The following KCNAB1 variants were observed in gnomAD, a reference collection of about 807,000 sequenced individuals.
KCNAB1 encodes voltage-gated potassium channel subunit beta-1.
Under a neutral mutation model 64.6 loss-of-function variants are expected in KCNAB1, and 35 were observed. The ratio of observed to expected loss-of-function variants is 0.54; its 90% CI spans 0.41 to 0.72. The LOEUF is 0.72. Ranked by LOEUF, KCNAB1 falls within the 30% of genes least tolerant of loss-of-function variation. The pLI is 0.00. For missense variants in KCNAB1, 401 were observed against 512.9 expected, an observed-to-expected ratio of 0.78 and a Z score of 2.11; for synonymous variants, 177 against 183.8, an observed-to-expected ratio of 0.96 and a Z score of 0.30.
intron 1 of KCNAB1, among the ~76,000 whole-genome samples, chr3:156,393,371 C>G (rs1713184972): frequency 6.6e-6 from 1 of 152,204 alleles, no homozygotes; most frequent in Non-Finnish European, 1.5e-5. Flanking sequence ...TGCACCTTCT[C>G]TAGCCACACC....
At chr3:156,367,780 A>G (rs1446527837) in intron 1 of KCNAB1, among the ~76,000 whole-genome samples, 3 of 152,082 alleles carry the variant, frequency 2.0e-5, no homozygotes, top group African/African-American at 7.2e-5. Flanking sequence ...ATGCAAAGGA[A>G]CTCTGTCACA....
rs547464424 is a variant in KCNAB1 at position 156,175,565 on chromosome 3, G to C, written c.275+54679G>C. 1.7e-3 allele frequency among the ~76,000 whole-genome samples: 254 copies of C among 152,336 alleles called. 1 individual carries two copies. Among genetic ancestry groups the C allele is most frequent in the African/African-American group, 6.0e-3 (248 of 41,568 alleles). Reference sequence around the variant, plus strand: ...ACCCGGGAGGCGGAGCTTGCAGTGAGCCGAGATGCGCCACTGCACTCCAGC... The same window carrying C: ...ACCCGGGAGGCGGAGCTTGCAGTGACCCGAGATGCGCCACTGCACTCCAGC... On this transcript the variant is annotated intron_variant, in intron 1 of 13. Transcript: ENST00000490337.
intron 8 of KCNAB1, among the ~76,000 whole-genome samples, chr3:156,497,673 T>C (rs1716100089): frequency 6.6e-6 from 1 of 152,222 alleles, no homozygotes; most frequent in African/African-American, 2.4e-5. Context: ...TGACAGATGC[T>C]TCCAAGTATA....
chr3:156,339,131 T>C (rs1253240339), intron 1 of KCNAB1, among the ~76,000 whole-genome samples: 2 of 152,100 alleles, frequency 1.3e-5, no homozygotes, highest in African/African-American at 2.4e-5. Context: ...GTGACTCTGG[T>C]CCACACTAAA....
Position 156,316,415 on chromosome 3 carries a change from ACT to A in KCNAB1, c.276-105198_276-105197del, listed in dbSNP as rs546651315. ...AGGGAAGATCTAAGATCAAATCTTG[ACT>A]CTAGCATTTACCAGCTGTGCAATCT... On this transcript the variant is annotated intron_variant, in intron 1 of 13. Coordinates refer to ENST00000490337, the MANE Select transcript of KCNAB1 (RefSeq NM_172160.3). Among the ~76,000 whole-genome samples the A allele has an allele frequency of 2.0e-4, 30 of 152,262 alleles. No homozygotes were observed. In the East Asian group the frequency reaches 4.1e-3, roughly 21 times the overall value.
At chr3:156,249,628 G>A (rs76589674) in intron 1 of KCNAB1, among the ~76,000 whole-genome samples, 170 of 152,078 alleles carry the variant, frequency 1.1e-3, no homozygotes, top group African/African-American at 3.8e-3. Context: ...CCAGAAATGA[G>A]CTTTGCAGTT....
At chr3:156,177,409 C>G (rs185834382) in intron 1 of KCNAB1, among the ~76,000 whole-genome samples, 1 of 152,202 alleles carries the variant, frequency 6.6e-6, no homozygotes, top group Admixed American at 6.5e-5. Flanking sequence ...GGGAGTCTCT[C>G]TCTGTCGCCG....
intron 1 of KCNAB1, among the ~76,000 whole-genome samples, chr3:156,336,626 A>G (rs1322507409): frequency 1.3e-5 from 2 of 152,216 alleles, no homozygotes; most frequent in Non-Finnish European, 2.9e-5. Flanking sequence ...ATTTGTACAT[A>G]TGTGTTCATG....
chr3:156,149,666 C>A (rs541877865), intron 1 of KCNAB1, among the ~76,000 whole-genome samples: 43 of 152,276 alleles, frequency 2.8e-4, no homozygotes, highest in African/African-American at 1.0e-3. Context: ...AGCTGAAAAA[C>A]CCTACTTCAA....
chr3:156,143,183 A>T (rs1273164471), intron 1 of KCNAB1: 1 of 1,592,942 alleles, frequency 6.3e-7, no homozygotes, highest in East Asian at 2.2e-5. Flanking sequence ...TGAAACATGC[A>T]TCTGTATAAA....
chr3:156,173,126 A>G (rs1712118515), intron 1 of KCNAB1, among the ~76,000 whole-genome samples: 1 of 152,228 alleles, frequency 6.6e-6, no homozygotes, highest in South Asian at 2.1e-4. Context: ...GGATGCCTCA[A>G]GTCACTGCGG....
intron 1 of KCNAB1, among the ~76,000 whole-genome samples, chr3:156,261,937 C>T (rs184190650): frequency 1.7e-3 from 251 of 151,906 alleles, no homozygotes; most frequent in African/African-American, 5.8e-3. Context: ...ATTTGTACTT[C>T]TTTTTAAAAA....
At chr3:156,264,303 CTT>C (rs755358616) in intron 1 of KCNAB1, among the ~76,000 whole-genome samples, 4 of 151,802 alleles carry the variant, frequency 2.6e-5, no homozygotes, top group East Asian at 1.9e-4. Flanking sequence ...AGGTGTGTCT[CTT>C]ATACACAGCA....
At chr3:156,398,496 G>C (rs893091974) in intron 1 of KCNAB1, among the ~76,000 whole-genome samples, 7 of 151,322 alleles carry the variant, frequency 4.6e-5, no homozygotes, top group Admixed American at 3.3e-4. Flanking sequence ...GGAGGCTGAG[G>C]CAGGAGAATG....
At chr3:156,229,506 C>G (rs1455538030) in intron 1 of KCNAB1, among the ~76,000 whole-genome samples, 1 of 152,124 alleles carries the variant, frequency 6.6e-6, no homozygotes, top group African/African-American at 2.4e-5. Flanking sequence ...TATGTGGTTA[C>G]AGATAAAAGA....
intron 1 of KCNAB1, among the ~76,000 whole-genome samples, chr3:156,339,158 C>A (rs1417019176): frequency 6.6e-6 from 1 of 152,064 alleles, no homozygotes; most frequent in East Asian, 1.9e-4. Context: ...TGAAGTTTCC[C>A]CCTAGAGGAG....
At chr3:156,255,197 AT>A (rs1209160221) in intron 1 of KCNAB1, among the ~76,000 whole-genome samples, 5 of 152,186 alleles carry the variant, frequency 3.3e-5, no homozygotes, top group Non-Finnish European at 5.9e-5. Context: ...TTCATCTGAA[AT>A]TGTTGGTAGT....
chr3:156,427,441 T>C (rs1471319524), intron 2 of KCNAB1, among the ~76,000 whole-genome samples: 1 of 152,198 alleles, frequency 6.6e-6, no homozygotes, highest in Non-Finnish European at 1.5e-5. Flanking sequence ...GAGTGTATGC[T>C]CCCTGAGAGC....
intron 1 of KCNAB1, among the ~76,000 whole-genome samples, chr3:156,399,904 G>A (rs1175202325): frequency 6.6e-6 from 1 of 152,098 alleles, no homozygotes; most frequent in Non-Finnish European, 1.5e-5. Flanking sequence ...CTCTTCCTTT[G>A]GACTTTTGAC....
Sources: allele counts gnomAD v4.1 joint callset (sites outside exome capture counted in the v4.1 genomes callset), GRCh38; gene constraint gnomAD v4.1.1; transcripts MANE v1.5; gene names NCBI Gene and HGNC (gene_info 2026-07-23, HGNC 2026-07-21).